NOS1AP: variants seen among roughly 807,000 people sequenced by gnomAD.
NOS1AP encodes the protein carboxyl-terminal PDZ ligand of neuronal nitric oxide synthase protein.
NOS1AP carries 21 observed loss-of-function variants against 56.2 expected under a neutral mutation model. The observed-to-expected ratio is 0.37, with a 90% CI of 0.26 to 0.54. NOS1AP has a LOEUF of 0.54. NOS1AP is among the 20% of genes least tolerant of loss of function. The probability of loss-of-function intolerance (pLI) is 0.84; values close to 1 mark genes in which losing one functional copy is unlikely to be tolerated. For synonymous variants in NOS1AP, 270 were observed against 274.6 expected, an observed-to-expected ratio of 0.98 and a Z score of 0.17; for missense variants, 522 against 657.8, an observed-to-expected ratio of 0.79 and a Z score of 2.26.
intron 2 of NOS1AP, among the ~76,000 whole-genome samples, chr1:162,220,593 G>A (rs1652737424): frequency 1.3e-5 from 2 of 152,108 alleles, no homozygotes; most frequent in South Asian, 4.2e-4. Flanking sequence ...CATTCCTAGG[G>A]CTGCTGTTTG....
chr1:162,355,544 C>T (rs1191447032), intron 7 of NOS1AP, among the ~76,000 whole-genome samples, 191 bp downstream of exon 7: 2 of 152,214 alleles, frequency 1.3e-5, no homozygotes, highest in African/African-American at 4.8e-5. Flanking sequence ...CTGCTGCAGG[C>T]CAGGATGCTG....
At chr1:162,345,876 T>C (rs567193694) in intron 6 of NOS1AP, among the ~76,000 whole-genome samples, 2 of 152,340 alleles carry the variant, frequency 1.3e-5, no homozygotes, top group South Asian at 4.1e-4. Flanking sequence ...CACATACATG[T>C]ATGCTATTAT....
intron 3 of NOS1AP, among the ~76,000 whole-genome samples, chr1:162,294,180 GAAGGAAGGAAGGAAGT>G (rs1239855770): frequency 0.05 from 1,673 of 33,332 alleles, 21 homozygotes; most frequent in East Asian, 0.095. Flanking sequence ...AGGTAGGAAG[GAAGGAAGGAAGGAAGT>G]AAGGAAGGAA....
At chr1:162,284,421 G>A (rs1450516110) in intron 2 of NOS1AP, among the ~76,000 whole-genome samples, 5 of 152,168 alleles carry the variant, frequency 3.3e-5, no homozygotes, top group Non-Finnish European at 7.4e-5. Flanking sequence ...ATAGCACTCA[G>A]GCAGTTCTGG....
chr1:162,154,337 T>C (rs1033796170), intron 1 of NOS1AP, 68 bp from the exon 2 acceptor site: 1 of 1,438,960 alleles, frequency 6.9e-7, no homozygotes, highest in Non-Finnish European at 9.8e-7. Context: ...CTTTACCCTT[T>C]GGAACTTTCT....
At chr1:162,160,783 A>G (rs1434032462) in intron 2 of NOS1AP, among the ~76,000 whole-genome samples, 1 of 152,246 alleles carries the variant, frequency 6.6e-6, no homozygotes, top group Non-Finnish European at 1.5e-5. Context: ...TCACTGTGTT[A>G]GTATGGCTCT....
intron 6 of NOS1AP, among the ~76,000 whole-genome samples, chr1:162,349,203 A>G (rs1007998236): frequency 6.6e-6 from 1 of 152,148 alleles, no homozygotes; most frequent in African/African-American, 2.4e-5. Flanking sequence ...AAGGGGAAAA[A>G]AAAAAAAAGA....
intron 2 of NOS1AP, among the ~76,000 whole-genome samples, 169 bp from the exon 3 acceptor site, chr1:162,287,175 G>A (rs1187340395): frequency 6.6e-6 from 1 of 152,114 alleles, no homozygotes; most frequent in Admixed American, 6.5e-5. Flanking sequence ...CCCAGAGATT[G>A]CCTGAGACAT....
chr1:162,168,591 G>C (rs556806553), intron 2 of NOS1AP, among the ~76,000 whole-genome samples: 1 of 152,076 alleles, frequency 6.6e-6, no homozygotes, highest in Non-Finnish European at 1.5e-5. Context: ...AGAAATCCAC[G>C]CGCAATTGAT....
At chr1:162,266,184 G>A (rs947925824) in intron 2 of NOS1AP, among the ~76,000 whole-genome samples, 1 of 152,126 alleles carries the variant, frequency 6.6e-6, no homozygotes, top group Non-Finnish European at 1.5e-5. Flanking sequence ...TAAAAATGTG[G>A]GTTTCTATGA....
rs35946766 is a variant in NOS1AP at position 162,324,416 on chromosome 1, CTTTTTTTTTTT to C, written c.345-8583_345-8573del. 4.6e-3 allele frequency among the ~76,000 whole-genome samples: 335 copies of C among 72,128 alleles called. 3 individuals are homozygous for C. Among genetic ancestry groups the C allele is most frequent in the East Asian group, 0.012 (32 of 2,592 alleles). The allele number at this position is 72,128 out of a possible 152,430, so 47.3% of individuals were successfully genotyped here. On this transcript the variant is annotated intron_variant, in intron 4 of 9. Transcript: ENST00000361897. ...TAGTGGTTTTGTGAGGGACACTAGCCTTTTTTTTTTTTTTTTTTTTTTTTTTTTGCCTCCCT... is the reference window on the plus strand; with the variant it reads ...TAGTGGTTTTGTGAGGGACACTAGCCTTTTTTTTTTTTTTTTTGCCTCCCT...
chr1:162,247,242 C>T (rs892331437), intron 2 of NOS1AP, among the ~76,000 whole-genome samples: 1 of 152,146 alleles, frequency 6.6e-6, no homozygotes, highest in Non-Finnish European at 1.5e-5. Context: ...CTCTTTCTCT[C>T]GTAATTCCTT....
At chr1:162,143,932 G>A (rs1649343132) in intron 1 of NOS1AP, among the ~76,000 whole-genome samples, 1 of 152,146 alleles carries the variant, frequency 6.6e-6, no homozygotes, top group East Asian at 1.9e-4. Flanking sequence ...GAAGAATAAG[G>A]GATCTCTCTC....
chr1:162,288,636 A>T (rs1259254595), intron 3 of NOS1AP, among the ~76,000 whole-genome samples: 1 of 152,182 alleles, frequency 6.6e-6, no homozygotes, highest in Admixed American at 6.5e-5. Flanking sequence ...TCCTCTCTGG[A>T]TGTTTACAAA....
At chr1:162,295,982 T>C (rs74870894) in intron 3 of NOS1AP, among the ~76,000 whole-genome samples, 1,598 of 152,030 alleles carry the variant, frequency 0.011, 13 homozygotes, top group Non-Finnish European at 0.017. Flanking sequence ...TGTGAGGAGA[T>C]TGGGTTAAAA....
chr1:162,355,689 C>T (rs534342629), intron 7 of NOS1AP, among the ~76,000 whole-genome samples: 1 of 151,778 alleles, frequency 6.6e-6, no homozygotes, highest in Admixed American at 6.6e-5. Context: ...GGCACACACA[C>T]ACACAGACTC....
intron 2 of NOS1AP, among the ~76,000 whole-genome samples, chr1:162,268,437 T>G (rs1280343984): frequency 6.6e-6 from 1 of 152,180 alleles, no homozygotes; most frequent in African/African-American, 2.4e-5. Flanking sequence ...CCAGTTTGCT[T>G]CCTGATCACT....
intron 2 of NOS1AP, among the ~76,000 whole-genome samples, chr1:162,232,533 A>T (rs1358163334): frequency 1.3e-5 from 2 of 150,252 alleles, no homozygotes; most frequent in East Asian, 2.0e-4. Context: ...TTGTGCTTAG[A>T]GTGTGTGTGT....
chr1:162,071,020 C>T (rs1012828994), intron 1 of NOS1AP, among the ~76,000 whole-genome samples: 1 of 152,152 alleles, frequency 6.6e-6, no homozygotes, highest in African/African-American at 2.4e-5. Flanking sequence ...GGCCCTGGAC[C>T]ATCAGGTGTG....
Sources: gnomAD v4.1 joint callset for allele counts (sites outside exome capture counted in the v4.1 genomes callset) on GRCh38, gnomAD v4.1.1 for gene constraint, MANE v1.5 for transcripts, NCBI Gene and HGNC (gene_info 2026-07-23, HGNC 2026-07-21) for gene names.